VOPP1: variants seen among roughly 807,000 people sequenced by gnomAD.
VOPP1 encodes WW domain binding protein VOPP1.
Under a neutral mutation model 23.5 loss-of-function variants are expected in VOPP1, and 8 were observed. The observed-to-expected ratio is 0.34, with a 90% confidence interval of 0.20 to 0.61. The LOEUF (loss-of-function observed/expected upper bound fraction) is 0.61. Among genes scored for constraint, VOPP1 ranks in the 20% least tolerant of loss-of-function variants. The pLI, the probability that VOPP1 is intolerant of heterozygous loss-of-function variation, is 0.78. For synonymous variants in VOPP1, 83 were observed against 97.3 expected, an observed-to-expected ratio of 0.85 and a Z score of 0.86; for missense variants, 174 against 238.1, an observed-to-expected ratio of 0.73 and a Z score of 1.77.
Position 55,497,622 on chromosome 7 carries a change from C to G in VOPP1, c.182G>C (p.Trp61Ser). The change falls in exon 3 of 5, where the codon TGG (tryptophan) becomes TCG (serine). Residue 61 changes from tryptophan to serine, a missense_variant. Coordinates refer to ENST00000285279, the MANE Select transcript of VOPP1 (RefSeq NM_030796.5). ...AGGAGTTGTGACCTACCAGAAGTACCACAGCCTCTGTATGGAGAGGGCCCG... is the reference window on the plus strand; with the variant it reads ...AGGAGTTGTGACCTACCAGAAGTACGACAGCCTCTGTATGGAGAGGGCCCG... The part of the protein sequence containing the change: ...CVRALSIQRL[W>S]YFWFLLMMGV... 6.2e-7 allele frequency: 1 copy of G among 1,611,738 alleles called. No homozygotes were observed. The highest frequency in any genetic ancestry group is 8.5e-7 in the Non-Finnish European group (1 of 1,179,288).
chr7:55,566,037 C>T (rs1193152262), intron 1 of VOPP1, among the ~76,000 whole-genome samples: 5 of 152,184 alleles, frequency 3.3e-5, no homozygotes, highest in Admixed American at 1.3e-4. Flanking sequence ...AGCAAACAGG[C>T]CCTGCAGACC....
At chr7:55,470,162 G>A (rs1484111237), downstream of VOPP1, among the ~76,000 whole-genome samples, 2 of 152,214 alleles carry the variant, frequency 1.3e-5, no homozygotes, top group East Asian at 3.9e-4. Flanking sequence ...TGAGGCCAAT[G>A]GTTTGAGACC....
chr7:55,542,371 G>A (rs1429796217), intron 1 of VOPP1, among the ~76,000 whole-genome samples: 2 of 152,198 alleles, frequency 1.3e-5, no homozygotes, highest in East Asian at 3.9e-4. Context: ...CCTTCTAACT[G>A]TATTTTCATC....
At chr7:55,459,113 A>G (rs898040970) in intron 4 of VOPP1, among the ~76,000 whole-genome samples, 2 of 152,002 alleles carry the variant, frequency 1.3e-5, no homozygotes, top group African/African-American at 4.8e-5. Flanking sequence ...TTATCAAACA[A>G]TTTTCTGCAT....
chr7:55,476,526 A>G (rs1435451062), intron 4 of VOPP1, among the ~76,000 whole-genome samples: 2 of 152,024 alleles, frequency 1.3e-5, no homozygotes, highest in African/African-American at 4.8e-5. Flanking sequence ...GGAGAAGGAG[A>G]GGCAGCTGAC....
At chr7:55,548,289 G>T (rs1797452029) in intron 1 of VOPP1, among the ~76,000 whole-genome samples, 2 of 152,198 alleles carry the variant, frequency 1.3e-5, no homozygotes. Context: ...TAAAATGGGG[G>T]CTCCAGGAAG....
In VOPP1 at chr7:55,472,990, G is replaced by A. The variant is rs2129007400; in HGVS notation, c.384C>T (p.Asn128=). ...CCATTGCCATGGAATTCCCGACAGG[G>A]TTCATCCCCGGTCCTCCTGGGTCGG... ...YYTDPGGPGM[N]PVGNSMAMAF... Residue 128 remains asparagine (N), a synonymous_variant, in exon 5 of 5, where the codon AAC becomes AAT. Coordinates refer to ENST00000285279, the MANE Select transcript of VOPP1 (RefSeq NM_030796.5). The A allele has an allele frequency of 6.3e-7, 1 of 1,595,150 alleles. No homozygotes were observed. Among genetic ancestry groups the A allele is most frequent in the Non-Finnish European group, 8.5e-7 (1 of 1,172,958 alleles).
chr7:55,498,798 G>A (rs1294451534), intron 2 of VOPP1, among the ~76,000 whole-genome samples: 1 of 152,164 alleles, frequency 6.6e-6, no homozygotes, highest in Non-Finnish European at 1.5e-5. Flanking sequence ...TAGAAAACTA[G>A]TTAAGATGCA....
chr7:55,526,763 T>C (rs1045350641), intron 1 of VOPP1: 4 of 152,248 alleles, frequency 2.6e-5, no homozygotes, highest in South Asian at 4.1e-4. Flanking sequence ...CTTATGTTAC[T>C]TATCACGGCA....
chr7:55,503,828 G>A (rs1409457500), intron 2 of VOPP1, among the ~76,000 whole-genome samples: 1 of 152,200 alleles, frequency 6.6e-6, no homozygotes, highest in Non-Finnish European at 1.5e-5. Context: ...CCTTGGTCTT[G>A]GACTTCCAGC....
chr7:55,530,224 G>T (rs1349092300), intron 1 of VOPP1, among the ~76,000 whole-genome samples: 3 of 151,942 alleles, frequency 2.0e-5, no homozygotes, highest in Non-Finnish European at 2.9e-5. Context: ...AATGTAAGAG[G>T]GCTCCAGTCT....
intron 1 of VOPP1, among the ~76,000 whole-genome samples, chr7:55,565,502 A>G (rs1584133151): frequency 6.6e-6 from 1 of 152,268 alleles, no homozygotes; most frequent in Admixed American, 6.5e-5. Flanking sequence ...AAATCGGTCC[A>G]TGGTACAAAA....
At chr7:55,553,815 T>G (rs1797711329) in intron 1 of VOPP1, 2 of 151,150 alleles carry the variant, frequency 1.3e-5, no homozygotes, top group Admixed American at 1.3e-4. Context: ...ACTCACCCTC[T>G]TCCTAGGCCT....
At chr7:55,445,579 C>T (rs1791081741) in intron 4 of VOPP1, among the ~76,000 whole-genome samples, 1 of 152,200 alleles carries the variant, frequency 6.6e-6, no homozygotes, top group Non-Finnish European at 1.5e-5. Flanking sequence ...GGACAATCCC[C>T]TCAACCTGGT....
At chr7:55,479,769 A>G (rs1375559185) in intron 4 of VOPP1, among the ~76,000 whole-genome samples, 4 of 152,232 alleles carry the variant, frequency 2.6e-5, no homozygotes, top group Admixed American at 6.5e-5. Context: ...CTCCCGTTCA[A>G]AAGGCATAGC....
At chr7:55,519,755 G>A (rs187614633) in intron 2 of VOPP1, among the ~76,000 whole-genome samples, 7 of 152,286 alleles carry the variant, frequency 4.6e-5, no homozygotes, top group East Asian at 3.9e-4. Flanking sequence ...CCAAGATGAC[G>A]AACATGGCCA....
intron 2 of VOPP1, among the ~76,000 whole-genome samples, chr7:55,518,575 G>T (rs931424722): frequency 5.3e-5 from 8 of 152,190 alleles, no homozygotes; most frequent in African/African-American, 1.9e-4. Flanking sequence ...GTCAGAAGAG[G>T]CTGAGAGAAC....
intron 3 of VOPP1, among the ~76,000 whole-genome samples, chr7:55,495,248 C>A (rs896562705): frequency 5.3e-5 from 8 of 152,298 alleles, no homozygotes; most frequent in Non-Finnish European, 8.8e-5. Context: ...CATCGGTCCA[C>A]CTTCTCTACT....
intron 2 of VOPP1, among the ~76,000 whole-genome samples, chr7:55,516,945 T>A (rs1365488766): frequency 6.2e-4 from 59 of 95,778 alleles, no homozygotes; most frequent in East Asian, 1.1e-3. Context: ...TTTTTTTTTT[T>A]TTTTTTTTTT....
Sources: gnomAD v4.1 joint callset for allele counts (sites outside exome capture counted in the v4.1 genomes callset) on GRCh38, gnomAD v4.1.1 for gene constraint, MANE v1.5 for transcripts, NCBI Gene and HGNC (gene_info 2026-07-23, HGNC 2026-07-21) for gene names.